The following GRIK2 variants were observed in gnomAD, a reference collection of about 807,000 sequenced individuals.
GRIK2 encodes the protein glutamate receptor ionotropic, kainate 2.
In GRIK2, 32 loss-of-function variants were observed where a neutral mutation model predicts 100.3. That is an observed-to-expected ratio of 0.32 (90% CI 0.24 to 0.43). GRIK2 has a LOEUF of 0.43. Among genes scored for constraint, GRIK2 ranks in the 20% least tolerant of loss-of-function variants. GRIK2 has a pLI of 1.00. For missense variants in GRIK2, 843 were observed against 1,114.9 expected, an observed-to-expected ratio of 0.76 and a Z score of 3.47; for synonymous variants, 417 against 389.4, an observed-to-expected ratio of 1.07 and a Z score of -0.83.
intron 16 of GRIK2, chr6:102,065,880 AC>A: frequency 6.9e-7 from 1 of 1,452,072 alleles, no homozygotes; most frequent in Non-Finnish European, 9.1e-7. Context: ...TGTCATCATC[AC>A]CATCTTCATC....
chr6:101,574,833 T>C (rs1250224774), intron 2 of GRIK2, among the ~76,000 whole-genome samples: 1 of 151,856 alleles, frequency 6.6e-6, no homozygotes. Context: ...AATTCAACTA[T>C]TAAGTTAGCT....
At chr6:101,677,247 CAA>C (rs1360511997) in intron 5 of GRIK2, among the ~76,000 whole-genome samples, 1 of 152,006 alleles carries the variant, frequency 6.6e-6, no homozygotes, top group African/African-American at 2.4e-5. Context: ...ATCACTACAA[CAA>C]AAAGAAGTAG....
At chr6:102,004,942 A>ATTAAT (rs916763690) in intron 14 of GRIK2, among the ~76,000 whole-genome samples, 3 of 151,430 alleles carry the variant, frequency 2.0e-5, no homozygotes, top group Admixed American at 6.6e-5. Context: ...AGATTTTAAT[A>ATTAAT]TTAATTTCTG....
chr6:101,786,254 C>T (rs1049297820), intron 7 of GRIK2, among the ~76,000 whole-genome samples: 1 of 139,540 alleles, frequency 7.2e-6, no homozygotes, highest in Non-Finnish European at 1.5e-5. Flanking sequence ...GCAAAAGGGA[C>T]AATTTGACTT....
intron 10 of GRIK2, among the ~76,000 whole-genome samples, chr6:101,818,897 AT>A (rs1329686653): frequency 6.6e-6 from 1 of 151,976 alleles, no homozygotes; most frequent in African/African-American, 2.4e-5. Flanking sequence ...ATTTTTCAGA[AT>A]TTTTTCTCAT....
At chr6:101,595,718 G>GTATATATATATATATATATATATATATA (rs370175425) in intron 2 of GRIK2, among the ~76,000 whole-genome samples, 1 of 122,328 alleles carries the variant, frequency 8.2e-6, no homozygotes, top group African/African-American at 3.2e-5. Flanking sequence ...GTGTGTGTGT[G>GTATATATATATATATATATATATATATA]TATATATATA....
chr6:101,825,984 A>T (rs1244528094), intron 10 of GRIK2, among the ~76,000 whole-genome samples: 2 of 152,080 alleles, frequency 1.3e-5, no homozygotes, highest in Admixed American at 6.6e-5. Context: ...ACATGCATCA[A>T]ACCTCCTTCT....
intron 7 of GRIK2, among the ~76,000 whole-genome samples, chr6:101,755,043 C>T (rs1283698636): frequency 6.6e-6 from 1 of 152,018 alleles, no homozygotes; most frequent in African/African-American, 2.4e-5. Context: ...TGGCCGACAC[C>T]AACAGGTTGA....
At chr6:101,405,627 C>T (rs1181959664) in intron 2 of GRIK2, among the ~76,000 whole-genome samples, 1 of 151,688 alleles carries the variant, frequency 6.6e-6, no homozygotes, top group Non-Finnish European at 1.5e-5. Context: ...AAATCCTGAC[C>T]TTTTTTCTTG....
At position 102,035,504 on chromosome 6, in the gene GRIK2, G is replaced by A; in HGVS notation, c.2249G>A (p.Cys750Tyr). Residue 750 changes from cysteine (C) to tyrosine (Y), a missense_variant, in exon 15 of 17, where the codon TGT becomes TAT. Coordinates refer to ENST00000369134, the MANE Select transcript of GRIK2 (RefSeq NM_021956.5). The part of the protein sequence containing the change: ...TTIEFVTQRN[C>Y]NLTQIGGLID... The stretch of plus-strand genomic sequence containing the variant: ...ATCGAGTTTGTTACCCAGCGGAACT[G>A]TAACCTGACACAGATTGGCGGCCTT... 1 of 1,610,216 alleles carries A rather than the reference G, an allele frequency of 6.2e-7. No homozygotes were observed. The highest frequency in any genetic ancestry group is 8.5e-7 in the Non-Finnish European group (1 of 1,177,354).
At chr6:101,731,804 A>C (rs1350917150) in intron 7 of GRIK2, among the ~76,000 whole-genome samples, 1 of 152,046 alleles carries the variant, frequency 6.6e-6, no homozygotes, top group Non-Finnish European at 1.5e-5. Flanking sequence ...CAGACAAGAC[A>C]GAATTCATAG....
chr6:101,807,776 C>G (rs370898814), intron 9 of GRIK2, among the ~76,000 whole-genome samples: 1 of 151,876 alleles, frequency 6.6e-6, no homozygotes, highest in East Asian at 1.9e-4. Flanking sequence ...GGTAGATTGC[C>G]TGCTGAGATT....
chr6:101,868,087 T>G (rs1202308234), intron 11 of GRIK2, among the ~76,000 whole-genome samples: 1 of 151,592 alleles, frequency 6.6e-6, no homozygotes, highest in African/African-American at 2.4e-5. Context: ...AAATGGAGAC[T>G]TCTGGACACT....
chr6:101,988,130 TGTGCGCGCGCGCGC>T (rs1330896214), intron 14 of GRIK2, among the ~76,000 whole-genome samples: 7 of 20,706 alleles, frequency 3.4e-4, no homozygotes, highest in South Asian at 4.8e-3. Flanking sequence ...TGTGTGTGTG[TGTGCGCGCGCGCGC>T]GCGCGCGCGC....
chr6:101,842,140 C>G (rs1455499966), intron 10 of GRIK2, among the ~76,000 whole-genome samples: 1 of 152,164 alleles, frequency 6.6e-6, no homozygotes, highest in East Asian at 1.9e-4. Flanking sequence ...ACAGGGTAAT[C>G]TAAAATTAAA....
At chr6:101,768,040 G>A (rs1287574926) in intron 7 of GRIK2, among the ~76,000 whole-genome samples, 1 of 151,780 alleles carries the variant, frequency 6.6e-6, no homozygotes, top group Non-Finnish European at 1.5e-5. Flanking sequence ...TGTATTTTTA[G>A]TAGAAATGGG....
At chr6:101,524,930 C>T (rs1158624959) in intron 2 of GRIK2, among the ~76,000 whole-genome samples, 1 of 151,586 alleles carries the variant, frequency 6.6e-6, no homozygotes, top group African/African-American at 2.4e-5. Context: ...ATGGGGTTTC[C>T]CCATGTTGGC....
At chr6:101,838,845 G>T (rs1322329060) in intron 10 of GRIK2, among the ~76,000 whole-genome samples, 1 of 151,878 alleles carries the variant, frequency 6.6e-6, no homozygotes, top group Non-Finnish European at 1.5e-5. Context: ...TAGAGACGAG[G>T]TTTCACCATT....
chr6:101,577,564 T>C (rs1777848319), intron 2 of GRIK2, among the ~76,000 whole-genome samples: 1 of 152,128 alleles, frequency 6.6e-6, no homozygotes, highest in Non-Finnish European at 1.5e-5. Flanking sequence ...TAAAGTCAAG[T>C]ATTTTACAAA....
Sources: allele counts gnomAD v4.1 joint callset (sites outside exome capture counted in the v4.1 genomes callset), GRCh38; gene constraint gnomAD v4.1.1; transcripts MANE v1.5; gene names NCBI Gene and HGNC (gene_info 2026-07-23, HGNC 2026-07-21).